ENTPD5: variants seen among roughly 807,000 people sequenced by gnomAD.
ENTPD5 encodes nucleoside diphosphate phosphatase ENTPD5.
Under a neutral mutation model 60.2 loss-of-function variants are expected in ENTPD5, and 49 were observed. The observed-to-expected ratio is 0.81, with a 90% CI of 0.65 to 1.03. The LOEUF (loss-of-function observed/expected upper bound fraction) is 1.03. Among genes scored for constraint, ENTPD5 ranks in the 50% least tolerant of loss-of-function variants. The pLI is 0.00. For synonymous variants in ENTPD5, 187 were observed against 185.4 expected (o/e 1.01, Z -0.07); for missense variants, 480 against 507.6 (o/e 0.95, Z 0.52).
Position 73,966,100 on chromosome 14 carries a change from A to G in ENTPD5, c.*828T>C, listed in dbSNP as rs1053437724. The G allele has an allele frequency of 1.3e-5, 2 of 152,258 alleles. No homozygotes were observed. The highest frequency in any genetic ancestry group is 4.8e-5 in the African/African-American group (2 of 41,468). The allele number at this position is 152,258 out of a possible 1,614,324, so 9.4% of individuals were successfully genotyped here. A position where few individuals can be genotyped will look rare whatever the true frequency, so the allele number is the denominator to read the frequency against. On this transcript the variant is annotated 3_prime_UTR_variant, in exon 16 of 16. Coordinates refer to ENST00000334696, the MANE Select transcript of ENTPD5 (RefSeq NM_001249.5). ...AGTTGTATTTCTTAGAAATACAAAGAAAACAAGTTTAGAATCATAGAAAAC... is the reference window on the plus strand; with the variant it reads ...AGTTGTATTTCTTAGAAATACAAAGGAAACAAGTTTAGAATCATAGAAAAC...
chr14:74,003,645 C>T (rs970357471), intron 3 of ENTPD5, among the ~76,000 whole-genome samples: 5 of 152,160 alleles, frequency 3.3e-5, no homozygotes, highest in Non-Finnish European at 7.3e-5. Context: ...ACCCACCTTG[C>T]TCATAACCAA....
rs201497733 is a variant in ENTPD5 at position 73,974,026 on chromosome 14, G to A, written c.785-48C>T. The A allele has an allele frequency of 5.4e-5, 82 of 1,529,294 alleles. No individual in the cohort carries two copies. The Admixed American group carries it at 1.3e-3, about 25-fold the overall frequency. The allele number at this position is 1,529,294 out of a possible 1,614,324, so 94.7% of individuals were successfully genotyped here. A position where few individuals can be genotyped will look rare whatever the true frequency, so the allele number is the denominator to read the frequency against. On this transcript the variant is annotated intron_variant, in intron 11 of 15. Coordinates refer to ENST00000334696, the MANE Select transcript of ENTPD5 (RefSeq NM_001249.5). ...GTAAGAGGTAAGTAAGTGAGAGAGA[G>A]GGAGGAAGGCAAGCAAGAAGCCAGT...
chr14:74,004,088 G>C (rs530875024), intron 3 of ENTPD5, among the ~76,000 whole-genome samples: 178 of 152,302 alleles, frequency 1.2e-3, no homozygotes, highest in African/African-American at 4.0e-3. Context: ...ATGGGTGACA[G>C]AGCAAGACCC....
chr14:73,956,705 A>G (rs2056453594), downstream of ENTPD5: 1 of 152,020 alleles, frequency 6.6e-6, no homozygotes, highest in Non-Finnish European at 1.5e-5. Flanking sequence ...TTTAAATTGG[A>G]TTATTTGTTT....
chr14:73,996,496 T>TG (rs1235698384), intron 3 of ENTPD5: 1 of 146,726 alleles, frequency 6.8e-6, no homozygotes, highest in East Asian at 2.0e-4. Context: ...GAACATAACT[T>TG]GGTCTCTTAA....
chr14:73,992,911 G>A lies in ENTPD5; in HGVS notation c.-70-4739C>T, dbSNP rs1463355891. ...CTAGCTACTTGGGAGGCTGAAGTACGAGAATCGCTTGAACCTGGGAGGCGG... is the reference window on the plus strand; with the variant it reads ...CTAGCTACTTGGGAGGCTGAAGTACAAGAATCGCTTGAACCTGGGAGGCGG... On this transcript the variant is annotated intron_variant, in intron 3 of 15. Coordinates refer to ENST00000334696, the MANE Select transcript of ENTPD5 (RefSeq NM_001249.5). 5.3e-5 allele frequency among the ~76,000 whole-genome samples: 8 copies of A among 152,120 alleles called. No individual in the cohort carries two copies. In the East Asian group the frequency reaches 1.2e-3, roughly 22 times the overall value.
chr14:73,993,544 A>G (rs1299643854), intron 3 of ENTPD5, among the ~76,000 whole-genome samples: 2 of 152,216 alleles, frequency 1.3e-5, no homozygotes, highest in African/African-American at 4.8e-5. Flanking sequence ...AACCACTGAT[A>G]CAGGATAGCT....
At chr14:73,982,416 A>C (rs9744018) in intron 6 of ENTPD5, among the ~76,000 whole-genome samples, 3,814 of 152,218 alleles carry the variant, frequency 0.025, 166 homozygotes, top group African/African-American at 0.088. Context: ...TATCTTAATA[A>C]AGTTGATTAG....
intron 3 of ENTPD5, chr14:74,003,371 C>A: frequency 1.6e-6 from 1 of 627,494 alleles, no homozygotes; most frequent in Non-Finnish European, 2.9e-6. Flanking sequence ...AGCCTTAGCG[C>A]CATTTTCTTG....
At chr14:73,955,913 T>C, downstream of ENTPD5, 3 of 1,614,098 alleles carry the variant, frequency 1.9e-6, no homozygotes, top group Non-Finnish European at 2.5e-6. Context: ...CACTAAGCAG[T>C]TGGAGGCTGT....
chr14:73,986,806 A>G lies in ENTPD5; in HGVS notation c.297+8T>C. On this transcript the variant is annotated splice_region_variant and intron_variant, in intron 5 of 15. Coordinates refer to ENST00000334696, the MANE Select transcript of ENTPD5 (RefSeq NM_001249.5). ...GAGAATCTAAACATCAAATCATAAG[A>G]AACTCACCTGCTTAGGTTGATCTAC... 1 of 1,608,524 alleles carries G rather than the reference A, an allele frequency of 6.2e-7. No individual in the cohort carries two copies.
intron 3 of ENTPD5, among the ~76,000 whole-genome samples, chr14:74,008,703 T>A (rs1189203715): frequency 1.3e-5 from 2 of 152,162 alleles, no homozygotes; most frequent in Non-Finnish European, 2.9e-5. Flanking sequence ...CCTAGACTTT[T>A]ATTTTTTCTT....
intron 3 of ENTPD5, among the ~76,000 whole-genome samples, chr14:73,995,348 C>T (rs535318090): frequency 3.9e-5 from 6 of 152,056 alleles, no homozygotes; most frequent in Non-Finnish European, 7.4e-5. Context: ...TTGGCTGGCC[C>T]GTAAGCAGGA....
At chr14:74,010,564 A>T (rs907995907) in intron 3 of ENTPD5, among the ~76,000 whole-genome samples, 13 of 152,100 alleles carry the variant, frequency 8.5e-5, no homozygotes, top group African/African-American at 3.1e-4. Context: ...CAAAAAAAAA[A>T]AATAAAAAGT....
At chr14:74,014,380 T>TA in intron 2 of ENTPD5, among the ~76,000 whole-genome samples, 1 of 142,144 alleles carries the variant, frequency 7.0e-6, no homozygotes, top group Non-Finnish European at 1.5e-5. Context: ...CAGTCTTTAC[T>TA]CCCCCCCCCC....
At chr14:73,960,522 T>C, downstream of ENTPD5, 1 of 996,392 alleles carries the variant, frequency 1.0e-6, no homozygotes, top group Non-Finnish European at 1.2e-6. Context: ...AGATAAATGG[T>C]GAACACTACC....
At chr14:73,991,608 CA>C (rs67647627) in intron 3 of ENTPD5, among the ~76,000 whole-genome samples, 17,283 of 68,552 alleles carry the variant, frequency 0.25, 1,395 homozygotes, top group East Asian at 0.39. Context: ...AAACAATAAC[CA>C]AAAAAAAAAA....
chr14:74,002,875 C>A (rs560093227), intron 3 of ENTPD5, among the ~76,000 whole-genome samples: 1 of 152,290 alleles, frequency 6.6e-6, no homozygotes, highest in East Asian at 1.9e-4. Context: ...GCTTCCATCC[C>A]CACTACATCT....
At chr14:74,002,846 G>A (rs931748637) in intron 3 of ENTPD5, among the ~76,000 whole-genome samples, 1 of 152,058 alleles carries the variant, frequency 6.6e-6, no homozygotes. Context: ...GAGAAACAAG[G>A]TCCTGAAAAT....
Sources: allele counts gnomAD v4.1 joint callset (sites outside exome capture counted in the v4.1 genomes callset), GRCh38; gene constraint gnomAD v4.1.1; transcripts MANE v1.5; gene names NCBI Gene and HGNC (gene_info 2026-07-23, HGNC 2026-07-21).